The following FHAD1 variants were observed in gnomAD, a reference collection of about 807,000 sequenced individuals.
FHAD1 encodes the protein forkhead-associated domain-containing protein 1.
FHAD1 carries 146 observed loss-of-function variants against 191.3 expected under a neutral mutation model. That is an observed-to-expected ratio of 0.76 (90% CI 0.67 to 0.88). The LOEUF is 0.88. Ranked by LOEUF, FHAD1 falls within the 40% of genes least tolerant of loss-of-function variation. FHAD1 has a pLI of 0.00. For missense variants in FHAD1, 1,635 were observed against 1,785.8 expected, an observed-to-expected ratio of 0.92 and a Z score of 1.52; for synonymous variants, 616 against 672.3, an observed-to-expected ratio of 0.92 and a Z score of 1.29.
At chr1:15,377,293 C>T (rs879496251) in intron 28 of FHAD1, among the ~76,000 whole-genome samples, 1 of 152,120 alleles carries the variant, frequency 6.6e-6, no homozygotes, top group Non-Finnish European at 1.5e-5. Flanking sequence ...AAAATCAAAC[C>T]CTACTTCCCT....
At chr1:15,277,145 G>A (rs114185250) in intron 3 of FHAD1, among the ~76,000 whole-genome samples, 138 of 152,292 alleles carry the variant, frequency 9.1e-4, no homozygotes, top group African/African-American at 2.9e-3. Flanking sequence ...GGAAACCTAC[G>A]TTGGCCTGTT....
intron 25 of FHAD1, among the ~76,000 whole-genome samples, chr1:15,368,188 G>A (rs1380354750): frequency 1.3e-5 from 2 of 151,902 alleles, no homozygotes; most frequent in Non-Finnish European, 2.9e-5. Flanking sequence ...TGGCCAGGCT[G>A]GTCTCGAACT....
intron 3 of FHAD1, among the ~76,000 whole-genome samples, chr1:15,284,918 G>A (rs541687440): frequency 1.3e-4 from 20 of 150,426 alleles, no homozygotes; most frequent in African/African-American, 4.8e-4. Flanking sequence ...GAGAAAGAAA[G>A]AGGAGGAAAG....
chr1:15,323,691 C>G (rs1262137683), intron 10 of FHAD1, among the ~76,000 whole-genome samples: 1 of 152,166 alleles, frequency 6.6e-6, no homozygotes, highest in Non-Finnish European at 1.5e-5. Flanking sequence ...CAGACATGAA[C>G]TGAGCAGCTG....
At chr1:15,273,938 C>T (rs1657221251) in intron 3 of FHAD1, among the ~76,000 whole-genome samples, 1 of 152,222 alleles carries the variant, frequency 6.6e-6, no homozygotes, top group Non-Finnish European at 1.5e-5. Context: ...CGTTCTACTT[C>T]CTGTCTCTGT....
chr1:15,240,721 G>A (rs1397361000), intron 1 of FHAD1, among the ~76,000 whole-genome samples: 12 of 151,740 alleles, frequency 7.9e-5, no homozygotes, highest in Admixed American at 7.9e-4. Context: ...CACTTTGGGA[G>A]GCCGAGGAGG....
At chr1:15,399,652 A>G (rs186313605), downstream of FHAD1, among the ~76,000 whole-genome samples, 2 of 152,322 alleles carry the variant, frequency 1.3e-5, no homozygotes, top group Non-Finnish European at 2.9e-5. Flanking sequence ...CAAAAACCTA[A>G]TAAAGAACCT....
At chr1:15,387,614 G>A (rs889119456) in intron 31 of FHAD1, among the ~76,000 whole-genome samples, 1 of 152,168 alleles carries the variant, frequency 6.6e-6, no homozygotes, top group Non-Finnish European at 1.5e-5. Flanking sequence ...GCTGGGTGTG[G>A]TGACTCACAC....
intron 1 of FHAD1, among the ~76,000 whole-genome samples, chr1:15,241,900 C>T (rs1351476377): frequency 2.0e-5 from 3 of 152,164 alleles, no homozygotes; most frequent in East Asian, 3.9e-4. Flanking sequence ...TGACCTGAGA[C>T]AAAATGTATA....
rs77604423 is a variant in FHAD1 at position 15,250,068 on chromosome 1, A to C, written c.-14-1703A>C. On this transcript the variant is annotated intron_variant, in intron 1 of 33. Transcript: ENST00000688493. The stretch of plus-strand genomic sequence containing the variant: ...ATAAATGATGATAGAGATGATGATG[A>C]AAAGCAGAGCCAGCCCCGAGAGTCC... 8.0e-3 allele frequency among the ~76,000 whole-genome samples: 1,215 copies of C among 152,340 alleles called. 23 individuals carry two copies. Among genetic ancestry groups the C allele is most frequent in the African/African-American group, 0.028 (1,149 of 41,570 alleles).
rs1329220599 is a variant in FHAD1 at position 15,380,854 on chromosome 1, G to A, written c.3801+58G>A. The A allele has an allele frequency of 3.2e-6, 4 of 1,268,898 alleles. No individual in the cohort carries two copies. The Admixed American group carries it at 8.2e-5, about 26-fold the overall frequency. 78.6% of individuals were successfully genotyped at this position (1,268,898 alleles called of 1,614,324 possible). ...CCAAAGCCTGGGGCCCCTGCAGTCAGTGTTGAACGCAGGATAGTTTAAATA... is the reference window on the plus strand; with the variant it reads ...CCAAAGCCTGGGGCCCCTGCAGTCAATGTTGAACGCAGGATAGTTTAAATA... On this transcript the variant is annotated intron_variant, in intron 29 of 33. Transcript: ENST00000688493.
chr1:15,351,419 G>C (rs1197049102), intron 19 of FHAD1, among the ~76,000 whole-genome samples: 2 of 152,152 alleles, frequency 1.3e-5, no homozygotes, highest in African/African-American at 4.8e-5. Context: ...GTTTGAATCA[G>C]GGCCCAGAGG....
At chr1:15,360,185 G>C (rs974963085) in intron 21 of FHAD1, among the ~76,000 whole-genome samples, 1 of 152,146 alleles carries the variant, frequency 6.6e-6, no homozygotes, top group Non-Finnish European at 1.5e-5. Flanking sequence ...AAAATTAAAG[G>C]CTTCAGGGAC....
intron 3 of FHAD1, among the ~76,000 whole-genome samples, chr1:15,280,058 C>T (rs888861960): frequency 2.0e-5 from 3 of 152,080 alleles, no homozygotes; most frequent in South Asian, 2.1e-4. Flanking sequence ...TTTTTCTCCT[C>T]GGTGTATGAT....
chr1:15,334,231 C>A (rs1265765746), intron 14 of FHAD1: 2 of 152,096 alleles, frequency 1.3e-5, no homozygotes, highest in African/African-American at 4.8e-5. Context: ...TCTTTGTGAC[C>A]CTAACACCTG....
rs543038637 is a variant in FHAD1, at chr1:15,312,182, A to T, written c.1040-875A>T. On this transcript the variant is annotated intron_variant, in intron 7 of 33. Coordinates refer to ENST00000688493, the MANE Select transcript of FHAD1 (RefSeq NM_001391957.1). This position sits in a 1 kb window ranked among gnomAD's most constrained non-coding sequence, Gnocchi z 4.7. ...CATATGAGTTACACACGTCAGCCCTATTCAGGTGGGAGGGGGCTACACGAG... is the reference window on the plus strand; with the variant it reads ...CATATGAGTTACACACGTCAGCCCTTTTCAGGTGGGAGGGGGCTACACGAG... The T allele has an allele frequency of 6.6e-6, 1 of 152,184 alleles. No individual in the cohort carries two copies. Among genetic ancestry groups the T allele is most frequent in the Non-Finnish European group, 1.5e-5 (1 of 68,044 alleles). 9.4% of individuals were successfully genotyped at this position (152,184 alleles called of 1,614,324 possible). A position where few individuals can be genotyped will look rare whatever the true frequency, so the allele number is the denominator to read the frequency against.
intron 24 of FHAD1, among the ~76,000 whole-genome samples, chr1:15,366,928 T>C (rs112370962): frequency 0.023 from 3,547 of 152,330 alleles, 67 homozygotes; most frequent in Middle Eastern, 0.058. Flanking sequence ...AAGATGGAAC[T>C]AAGCCCGGGG....
intron 2 of FHAD1, among the ~76,000 whole-genome samples, chr1:15,265,644 G>GT (rs952471862): frequency 1.3e-5 from 2 of 152,132 alleles, no homozygotes; most frequent in African/African-American, 4.8e-5. Context: ...AAAACAAAAT[G>GT]TAACACATAG....
At chr1:15,237,794 T>G (rs948048153) in intron 1 of FHAD1, among the ~76,000 whole-genome samples, 9 of 151,570 alleles carry the variant, frequency 5.9e-5, no homozygotes, top group African/African-American at 1.7e-4. Context: ...CTGTGTTGAG[T>G]GCTGTAAGGA....
Sources: gnomAD v4.1 joint callset for allele counts (sites outside exome capture counted in the v4.1 genomes callset) on GRCh38, gnomAD v4.1.1 for gene constraint, Gnocchi (gnomAD v3.1) non-coding constraint, MANE v1.5 for transcripts, NCBI Gene and HGNC (gene_info 2026-07-23, HGNC 2026-07-21) for gene names.